The following GRID1 variants were observed in gnomAD, a reference collection of about 807,000 sequenced individuals.
GRID1 encodes the protein glutamate receptor ionotropic, delta-1.
Under a neutral mutation model 98.0 loss-of-function variants are expected in GRID1, and 28 were observed. The observed-to-expected ratio is 0.29, with a 90% CI of 0.21 to 0.39. The LOEUF is 0.39. Ranked by LOEUF, GRID1 falls within the 10% of genes least tolerant of loss-of-function variation. GRID1 has a pLI of 1.00. For synonymous variants in GRID1, 553 were observed against 538.5 expected, an observed-to-expected ratio of 1.03 and a Z score of -0.37; for missense variants, 1,111 against 1,340.5, an observed-to-expected ratio of 0.83 and a Z score of 2.67.
rs192007112 is a variant in GRID1, at chr10:86,244,244, A to G, written c.236-37596T>C. ...GGTCAGTAATCCTGTCATAGCCCCA[A>G]GTTGGTGGGACAGTGGCACAGAGGA... On this transcript the variant is annotated intron_variant, in intron 2 of 15. Coordinates refer to ENST00000327946, the MANE Select transcript of GRID1 (RefSeq NM_017551.3). 5.8e-4 allele frequency among the ~76,000 whole-genome samples: 88 copies of G among 152,270 alleles called. No individual in the cohort carries two copies. The East Asian group carries it at 6.6e-3, about 11-fold the overall frequency.
intron 4 of GRID1, among the ~76,000 whole-genome samples, chr10:85,988,229 T>C (rs995951430): frequency 6.6e-6 from 1 of 152,112 alleles, no homozygotes; most frequent in Non-Finnish European, 1.5e-5. Flanking sequence ...TTGTTGCAGG[T>C]GTCACCCTGA....
At chr10:85,676,026 T>C (rs1841141253) in intron 12 of GRID1, among the ~76,000 whole-genome samples, 1 of 152,108 alleles carries the variant, frequency 6.6e-6, no homozygotes, top group Non-Finnish European at 1.5e-5. Flanking sequence ...TGGTTTTCGC[T>C]AAAAAGGCTG....
intron 4 of GRID1, among the ~76,000 whole-genome samples, chr10:86,068,202 G>T (rs1843747375): frequency 6.6e-6 from 1 of 152,196 alleles, no homozygotes; most frequent in Non-Finnish European, 1.5e-5. Flanking sequence ...CTCCTCAGTG[G>T]CAAAGGCAAG....
At position 85,825,942 on chromosome 10, in the gene GRID1, GA is replaced by G. The variant is rs1405074234; in HGVS notation, c.1233+28553del. ...AATAAATTAAGGTAAAAAAGAAGAG[GA>G]AAAAAAGATAAAATAACAAATAAAA... On this transcript the variant is annotated intron_variant, in intron 8 of 15. Coordinates refer to ENST00000327946, the MANE Select transcript of GRID1 (RefSeq NM_017551.3). 7.9e-5 allele frequency among the ~76,000 whole-genome samples: 12 copies of G among 151,730 alleles called. No individual in the cohort carries two copies. In the South Asian group the frequency reaches 8.3e-4, roughly 11 times the overall value.
At chr10:85,639,117 A>G (rs951313342) in intron 13 of GRID1, among the ~76,000 whole-genome samples, 1 of 152,210 alleles carries the variant, frequency 6.6e-6, no homozygotes, top group Non-Finnish European at 1.5e-5. Flanking sequence ...TACTTGTATA[A>G]TATTGTTCAT....
chr10:85,979,625 C>A (rs1281003101), intron 4 of GRID1, among the ~76,000 whole-genome samples: 1 of 152,242 alleles, frequency 6.6e-6, no homozygotes, highest in African/African-American at 2.4e-5. Context: ...TTAGGGTCCA[C>A]CCTTATAACA....
chr10:85,636,416 G>A (rs772278676), intron 13 of GRID1, among the ~76,000 whole-genome samples: 2 of 152,080 alleles, frequency 1.3e-5, no homozygotes, highest in Non-Finnish European at 2.9e-5. Context: ...TATATTTAAG[G>A]AAGAAATTTA....
rs752167495 is a variant in GRID1 at position 85,613,425 on chromosome 10, G to A, written c.2583C>T (p.His861=). ...LELWWNSNRC[H]QETPKEDKEV... ...TGCTGACCTCCTTGGGGGTCTCCTGGTGGCACCGGTTGCTGTTCCACCACA... is the reference window on the plus strand; with the variant it reads ...TGCTGACCTCCTTGGGGGTCTCCTGATGGCACCGGTTGCTGTTCCACCACA... Residue 861 remains histidine, a synonymous_variant, in exon 15 of 16, where the codon CAC becomes CAT. Transcript: ENST00000327946. 6 of 1,613,256 alleles carry A rather than the reference G, an allele frequency of 3.7e-6. 1 individual carries two copies. In the South Asian group the frequency reaches 6.6e-5, roughly 18 times the overall value.
At chr10:86,333,252 T>A (rs1441531146) in intron 2 of GRID1, among the ~76,000 whole-genome samples, 1 of 152,210 alleles carries the variant, frequency 6.6e-6, no homozygotes, top group Admixed American at 6.5e-5. Flanking sequence ...TCAACTCCTA[T>A]CCACATTTCA....
At chr10:85,640,332 G>C (rs565784327) in intron 13 of GRID1, among the ~76,000 whole-genome samples, 4 of 152,214 alleles carry the variant, frequency 2.6e-5, no homozygotes, top group Admixed American at 2.6e-4. Flanking sequence ...CGTGGAAGCA[G>C]AGAAAGAACA....
chr10:85,967,808 G>A (rs1360092641), intron 4 of GRID1, among the ~76,000 whole-genome samples: 1 of 152,168 alleles, frequency 6.6e-6, no homozygotes, highest in Non-Finnish European at 1.5e-5. Flanking sequence ...TGAGGAATAA[G>A]ATTGTCATCT....
chr10:85,930,168 A>T (rs1382698196), intron 4 of GRID1, among the ~76,000 whole-genome samples: 2 of 150,992 alleles, frequency 1.3e-5, no homozygotes, highest in Non-Finnish European at 3.0e-5. Context: ...AACTACAAAT[A>T]ACTTGCGGTT....
chr10:86,131,496 C>T (rs2131966725), intron 4 of GRID1, among the ~76,000 whole-genome samples: 1 of 152,274 alleles, frequency 6.6e-6, no homozygotes, highest in East Asian at 1.9e-4. Context: ...AAGGAAAGGC[C>T]ACCAGGTGTC....
intron 12 of GRID1, among the ~76,000 whole-genome samples, chr10:85,674,966 A>ATTTT (rs35082237): frequency 6.6e-6 from 1 of 152,130 alleles, no homozygotes; most frequent in Non-Finnish European, 1.5e-5. Context: ...ATTGGAAATT[A>ATTTT]TTTTTTAGGG....
intron 3 of GRID1, among the ~76,000 whole-genome samples, chr10:86,197,081 G>A (rs1387336884): frequency 1.3e-5 from 2 of 152,156 alleles, no homozygotes; most frequent in South Asian, 2.1e-4. Flanking sequence ...ACTAGTTGGG[G>A]AAAGACAGAC....
At chr10:85,709,465 C>G (rs1046589874) in intron 12 of GRID1, among the ~76,000 whole-genome samples, 1 of 152,172 alleles carries the variant, frequency 6.6e-6, no homozygotes, top group African/African-American at 2.4e-5. Flanking sequence ...GAACATACAA[C>G]ATATAGGGCA....
intron 3 of GRID1, among the ~76,000 whole-genome samples, chr10:86,171,485 A>G (rs1448265026): frequency 6.6e-6 from 1 of 152,248 alleles, no homozygotes; most frequent in Non-Finnish European, 1.5e-5. Flanking sequence ...TTAGCTACTA[A>G]CTGGCTTTAT....
At chr10:86,315,670 C>T (rs1399631890) in intron 2 of GRID1, among the ~76,000 whole-genome samples, 1 of 152,090 alleles carries the variant, frequency 6.6e-6, no homozygotes, top group African/African-American at 2.4e-5. Context: ...TTCATCCATC[C>T]ATCCTCCCAC....
At chr10:86,095,244 T>C (rs1289807885) in intron 4 of GRID1, among the ~76,000 whole-genome samples, 7 of 152,166 alleles carry the variant, frequency 4.6e-5, no homozygotes, top group Non-Finnish European at 8.8e-5. Context: ...CCTGAAACTA[T>C]AAAAATTCTA....
Sources: allele counts gnomAD v4.1 joint callset (sites outside exome capture counted in the v4.1 genomes callset), GRCh38; gene constraint gnomAD v4.1.1; transcripts MANE v1.5; gene names NCBI Gene and HGNC (gene_info 2026-07-23, HGNC 2026-07-21).